The following RCAN2 variants were observed in gnomAD, a reference collection of about 807,000 sequenced individuals.
RCAN2 encodes regulator of calcineurin 2, also known as calcipressin-2.
Under a neutral mutation model 23.6 loss-of-function variants are expected in RCAN2, and 9 were observed. That is an observed-to-expected ratio of 0.38 (90% CI 0.23 to 0.67). The LOEUF is 0.67. Among genes scored for constraint, RCAN2 ranks in the 30% least tolerant of loss-of-function variants. RCAN2 has a pLI of 0.51. For missense variants in RCAN2, 273 were observed against 302.3 expected, an observed-to-expected ratio of 0.90 and a Z score of 0.72; for synonymous variants, 109 against 115.7, an observed-to-expected ratio of 0.94 and a Z score of 0.37.
At chr6:46,444,985 G>A (rs1402455392) in intron 2 of RCAN2, among the ~76,000 whole-genome samples, 1 of 152,132 alleles carries the variant, frequency 6.6e-6, no homozygotes, top group Non-Finnish European at 1.5e-5. Flanking sequence ...CAGTTCCAGT[G>A]TCCCCGGGCT....
chr6:46,384,107 G>A (rs1049093413), intron 2 of RCAN2, among the ~76,000 whole-genome samples: 9 of 152,124 alleles, frequency 5.9e-5, no homozygotes, highest in Non-Finnish European at 1.3e-4. Context: ...GAGGTTCCAG[G>A]GCCCATTGGT....
intron 2 of RCAN2, among the ~76,000 whole-genome samples, chr6:46,354,681 G>A (rs533472728): frequency 6.6e-6 from 1 of 152,346 alleles, no homozygotes; most frequent in Admixed American, 6.5e-5. Flanking sequence ...TGAGGCCAAT[G>A]TAGTCACTGA....
chr6:46,363,279 A>G (rs1413859466), intron 2 of RCAN2, among the ~76,000 whole-genome samples: 2 of 152,158 alleles, frequency 1.3e-5, no homozygotes, highest in African/African-American at 2.4e-5. Context: ...TTACATTTCT[A>G]GGTTTCTCAT....
At chr6:46,358,493 G>C (rs1413097784) in intron 2 of RCAN2, among the ~76,000 whole-genome samples, 1 of 152,136 alleles carries the variant, frequency 6.6e-6, no homozygotes, top group African/African-American at 2.4e-5. Flanking sequence ...CCCAGGAGGA[G>C]GGGGAACATC....
intron 2 of RCAN2, among the ~76,000 whole-genome samples, chr6:46,263,962 C>T (rs561118010): frequency 1.3e-5 from 2 of 152,322 alleles, no homozygotes; most frequent in Non-Finnish European, 2.9e-5. Context: ...TCACTGAATA[C>T]ATTCCATTTG....
chr6:46,436,087 C>T (rs796680001), intron 2 of RCAN2, among the ~76,000 whole-genome samples: 49 of 152,336 alleles, frequency 3.2e-4, no homozygotes, highest in African/African-American at 1.2e-3. Flanking sequence ...ACTCATCTGG[C>T]TTACTGCTCC....
intron 2 of RCAN2, among the ~76,000 whole-genome samples, chr6:46,363,113 G>A (rs1765063339): frequency 2.0e-5 from 3 of 152,164 alleles, no homozygotes; most frequent in Non-Finnish European, 4.4e-5. Context: ...GAAGCATAAA[G>A]TGGGAATAAG....
intron 2 of RCAN2, among the ~76,000 whole-genome samples, chr6:46,421,820 T>C (rs1312196264): frequency 6.6e-6 from 1 of 152,196 alleles, no homozygotes; most frequent in African/African-American, 2.4e-5. Flanking sequence ...GCACAGTACA[T>C]AATTCATAAT....
intron 2 of RCAN2, among the ~76,000 whole-genome samples, chr6:46,296,692 G>T (rs1561847449): frequency 6.6e-6 from 1 of 152,034 alleles, no homozygotes; most frequent in East Asian, 1.9e-4. Flanking sequence ...CCACCATTTA[G>T]CTTCTTATTT....
intron 2 of RCAN2, among the ~76,000 whole-genome samples, chr6:46,323,562 A>C (rs908857710): frequency 2.6e-5 from 4 of 152,136 alleles, no homozygotes; most frequent in Non-Finnish European, 4.4e-5. Context: ...TTTGCCTCTA[A>C]TCTCTCATAG....
chr6:46,232,105 T>A (rs940692420), intron 4 of RCAN2, among the ~76,000 whole-genome samples: 1 of 152,216 alleles, frequency 6.6e-6, no homozygotes, highest in Non-Finnish European at 1.5e-5. Flanking sequence ...GGAGCAGGGA[T>A]ACAGGGGAGA....
intron 1 of RCAN2, among the ~76,000 whole-genome samples, chr6:46,483,375 T>C (rs911484767): frequency 1.3e-5 from 2 of 152,122 alleles, no homozygotes; most frequent in African/African-American, 4.8e-5. Context: ...ATAGCCCTCT[T>C]AACCTTCCAG....
chr6:46,331,564 G>A (rs1483079249), intron 2 of RCAN2, among the ~76,000 whole-genome samples: 1 of 152,088 alleles, frequency 6.6e-6, no homozygotes, highest in Admixed American at 6.6e-5. Context: ...TTACCTTATG[G>A]TATGACAAGA....
At chr6:46,369,730 G>A (rs1468309144) in intron 2 of RCAN2, among the ~76,000 whole-genome samples, 3 of 152,276 alleles carry the variant, frequency 2.0e-5, no homozygotes, top group South Asian at 2.1e-4. Context: ...TGATTAAGTC[G>A]CTGAAATGAA....
At chr6:46,226,201 G>C (rs1032283956) in intron 4 of RCAN2, among the ~76,000 whole-genome samples, 6 of 152,172 alleles carry the variant, frequency 3.9e-5, no homozygotes, top group Non-Finnish European at 1.5e-5. Flanking sequence ...TTGTAGTATA[G>C]TTTGAAGTCA....
At chr6:46,275,781 C>T (rs76867903) in intron 2 of RCAN2, among the ~76,000 whole-genome samples, 6,488 of 152,218 alleles carry the variant, frequency 0.043, 210 homozygotes, top group Middle Eastern at 0.068. Context: ...AGTGCAAATG[C>T]CACATAAAAA....
At chr6:46,236,299 T>C (rs1766092333) in intron 4 of RCAN2, among the ~76,000 whole-genome samples, 1 of 152,206 alleles carries the variant, frequency 6.6e-6, no homozygotes, top group South Asian at 2.1e-4. Flanking sequence ...CTATCCTTTT[T>C]CCTCCAACCA....
At chr6:46,395,203 T>G (rs1226390258) in intron 2 of RCAN2, among the ~76,000 whole-genome samples, 3 of 152,132 alleles carry the variant, frequency 2.0e-5, no homozygotes, top group Non-Finnish European at 4.4e-5. Context: ...GCAAGAGACA[T>G]GCATTAAGGA....
chr6:46,491,511 C>A (rs941250008), upstream of RCAN2: 1 of 152,306 alleles, frequency 6.6e-6, no homozygotes, highest in African/African-American at 2.4e-5. Flanking sequence ...TCCCCAGCTC[C>A]GACTCATCGG....
Sources: gnomAD v4.1 joint callset for allele counts (sites outside exome capture counted in the v4.1 genomes callset) on GRCh38, gnomAD v4.1.1 for gene constraint, MANE v1.5 for transcripts, NCBI Gene and HGNC (gene_info 2026-07-23, HGNC 2026-07-21) for gene names.